CBLN2: variants seen among roughly 807,000 people sequenced by gnomAD.
CBLN2 encodes cerebellin-2.
In CBLN2, 7 loss-of-function variants were observed where a neutral mutation model predicts 15.0. The observed-to-expected ratio is 0.47, with a 90% CI of 0.27 to 0.88. The LOEUF (loss-of-function observed/expected upper bound fraction) is 0.88, where lower values mean the gene tolerates loss of function less well. CBLN2 is among the 40% of genes least tolerant of loss of function. CBLN2 has a pLI of 0.14. For synonymous variants in CBLN2, 149 were observed against 135.2 expected (o/e 1.10, Z -0.71); for missense variants, 242 against 304.5 (o/e 0.79, Z 1.53).
intron 1 of CBLN2, among the ~76,000 whole-genome samples, chr18:72,553,673 C>G (rs1450192141): frequency 2.0e-5 from 3 of 152,106 alleles, no homozygotes; most frequent in East Asian, 1.9e-4. Flanking sequence ...GCTAACTCAT[C>G]ATTTGGTTGA....
At chr18:72,542,939 ACACAC>A (rs1446725431) in intron 2 of CBLN2, 2 of 157,152 alleles carry the variant, frequency 1.3e-5, no homozygotes, top group African/African-American at 4.8e-5. Context: ...ACACACACAC[ACACAC>A]ACACACACAC....
At chr18:72,599,913 G>A (rs935463473) in intron 1 of CBLN2, among the ~76,000 whole-genome samples, 1 of 152,202 alleles carries the variant, frequency 6.6e-6, no homozygotes, top group Non-Finnish European at 1.5e-5. Context: ...GTGATGGTCT[G>A]AGGGCCAAGA....
At chr18:72,626,811 G>C (rs1249409827) in intron 1 of CBLN2, among the ~76,000 whole-genome samples, 1 of 152,176 alleles carries the variant, frequency 6.6e-6, no homozygotes, top group Non-Finnish European at 1.5e-5. Flanking sequence ...ACTAGCTCAG[G>C]CAGAAAGTCT....
chr18:72,627,847 T>C (rs893977888), intron 1 of CBLN2, among the ~76,000 whole-genome samples: 1 of 152,250 alleles, frequency 6.6e-6, no homozygotes. Context: ...ATTTCTTATA[T>C]GTATAGCTTC....
At chr18:72,603,191 A>G (rs1444528094) in intron 1 of CBLN2, among the ~76,000 whole-genome samples, 1 of 152,226 alleles carries the variant, frequency 6.6e-6, no homozygotes, top group African/African-American at 2.4e-5. Flanking sequence ...TCTTCTAGTA[A>G]CATCTTTTAC....
intron 1 of CBLN2, among the ~76,000 whole-genome samples, chr18:72,632,760 T>C (rs2069785434): frequency 6.6e-6 from 1 of 152,226 alleles, no homozygotes; most frequent in African/African-American, 2.4e-5. Flanking sequence ...TCAGTCACAC[T>C]TGTGACCACT....
At position 72,543,640 on chromosome 18, in the gene CBLN2, C is replaced by G; in HGVS notation, c.-211-110G>C. 2 of 383,092 alleles carry G rather than the reference C, an allele frequency of 5.2e-6. No homozygotes were observed. Among genetic ancestry groups the G allele is most frequent in the Non-Finnish European group, 9.2e-6 (2 of 216,306 alleles). The allele number at this position is 383,092 out of a possible 1,614,324, so 23.7% of individuals were successfully genotyped here. A position where few individuals can be genotyped will look rare whatever the true frequency, so the allele number is the denominator to read the frequency against. ...GCGCCGCCCCGCCCTGCCGCTTTCC[C>G]GCGCCAGCCTGCGCCGCTTCAGGGG... On this transcript the variant is annotated intron_variant, in intron 1 of 4. Transcript: ENST00000269503. This position sits in a 1 kb window ranked among gnomAD's most constrained non-coding sequence, Gnocchi z 6.8.
rs752680171 is a variant in CBLN2 at position 72,542,112 on chromosome 18, C to T, written c.49G>A (p.Gly17Arg). ...GGCTCGCGCAGCGCCCCCCGGCGCC[C>T]GGGCATCATCAGCCGCAGCCCGAGT... is the stretch of plus-strand genomic sequence containing the variant. ...GPLGLRLMMP[G>R]RRGALREPGG... Residue 17 changes from glycine (G) to arginine (R), a missense_variant, in exon 3 of 5, where the codon GGG (glycine) becomes AGG (arginine). This residue lies in a region of CBLN2 where 96 missense variants were observed against 83.8 expected (regional missense o/e 1.15). Transcript: ENST00000269503. 157 of 1,440,768 alleles carry T rather than the reference C, an allele frequency of 1.1e-4. No individual in the cohort carries two copies. The African/African-American group carries it at 2.2e-3, about 21-fold the overall frequency. The allele number at this position is 1,440,768 out of a possible 1,614,324, so 89.2% of individuals were successfully genotyped here. A position where few individuals can be genotyped will look rare whatever the true frequency, so the allele number is the denominator to read the frequency against.
chr18:72,638,514 T>G, exon 1 of CBLN2: 1 of 394,910 alleles, frequency 2.5e-6, no homozygotes, highest in Non-Finnish European at 4.5e-6. Flanking sequence ...ACATTTATGC[T>G]TATGACTAAA....
intron 1 of CBLN2, among the ~76,000 whole-genome samples, chr18:72,572,735 A>C (rs1020545681): frequency 6.6e-6 from 1 of 152,144 alleles, no homozygotes; most frequent in Non-Finnish European, 1.5e-5. Context: ...TGATGACATA[A>C]ATCATAACAA....
intron 2 of CBLN2, among the ~76,000 whole-genome samples, 195 bp from the exon 3 acceptor site, chr18:72,542,521 C>G (rs1429258422): frequency 6.6e-6 from 1 of 151,628 alleles, no homozygotes. Context: ...CAGCGCATCC[C>G]TGAAGGCTCC....
chr18:72,575,257 G>A (rs924011281), intron 1 of CBLN2, among the ~76,000 whole-genome samples: 1 of 152,136 alleles, frequency 6.6e-6, no homozygotes, highest in African/African-American at 2.4e-5. Flanking sequence ...ATGGCTGTGA[G>A]TGAGTGAGGT....
rs72634444 is a variant in CBLN2, at chr18:72,569,941, T to C, written c.16-31169A>G. The stretch of plus-strand genomic sequence containing the variant: ...AGAGATGTATAGTTTAAATGGGAGA[T>C]TCACAGATCCACAGAAATGTCTTAG... On this transcript the variant is annotated intron_variant, in intron 1 of 2. Coordinates refer to the CBLN2 transcript ENST00000581073. Among the ~76,000 whole-genome samples the C allele has an allele frequency of 0.05, 7,636 of 152,218 alleles. 833 individuals are homozygous for C. The East Asian group carries it at 0.5, about 10-fold the overall frequency.
chr18:72,580,128 G>GA (rs1015495617), intron 1 of CBLN2, among the ~76,000 whole-genome samples: 2 of 151,528 alleles, frequency 1.3e-5, no homozygotes, highest in East Asian at 1.9e-4. Context: ...AAAATAGTAG[G>GA]AAAAAATGGC....
At chr18:72,583,357 G>A (rs2069419932) in intron 1 of CBLN2, among the ~76,000 whole-genome samples, 1 of 152,126 alleles carries the variant, frequency 6.6e-6, no homozygotes, top group Admixed American at 6.5e-5. Context: ...TGGTTTTCTA[G>A]AGCAGAGCCT....
chr18:72,542,153 G>A lies in CBLN2; in HGVS notation c.8C>T (p.Ala3Val). MQ[A>V]PGRGPLGLRL... The stretch of plus-strand genomic sequence containing the variant: ...CAGCCCGAGTGGCCCCCGGCCGGGC[G>A]CCTGCATCGGGACTGGTGGGAGGCG... Residue 3 changes from alanine to valine, a missense_variant, in exon 3 of 5, where the codon GCG (alanine) becomes GTG (valine). Physicochemically the swap from Ala to Val is moderately conservative, Grantham distance 64. Transcript: ENST00000269503. The A allele has an allele frequency of 2.3e-6, 3 of 1,308,712 alleles. No individual in the cohort carries two copies. The highest frequency in any genetic ancestry group is 2.9e-6 in the Non-Finnish European group (3 of 1,035,884). 81.1% of individuals were successfully genotyped at this position (1,308,712 alleles called of 1,614,324 possible).
At chr18:72,594,700 A>G (rs2069501805) in intron 1 of CBLN2, among the ~76,000 whole-genome samples, 1 of 151,906 alleles carries the variant, frequency 6.6e-6, no homozygotes, top group South Asian at 2.1e-4. Flanking sequence ...TATGGCTTTG[A>G]TCACATTACT....
intron 4 of CBLN2, 75 bp downstream of exon 4, chr18:72,538,578 A>T (rs2069086072): frequency 6.3e-7 from 1 of 1,584,318 alleles, no homozygotes; most frequent in Non-Finnish European, 8.6e-7. Context: ...AGCCTCAGAG[A>T]CCAGGTGAAG....
At chr18:72,538,971 G>T in intron 3 of CBLN2, 199 bp from the exon 4 acceptor site, 1 of 527,014 alleles carries the variant, frequency 1.9e-6, no homozygotes, top group Non-Finnish European at 3.3e-6. Context: ...TAATCTCAAA[G>T]GTATTTTAAT....
Sources: allele counts gnomAD v4.1 joint callset (sites outside exome capture counted in the v4.1 genomes callset), GRCh38; gene constraint gnomAD v4.1.1; regional missense constraint gnomAD v4.1.1; non-coding constraint Gnocchi (gnomAD v3.1); transcripts MANE v1.5; gene names NCBI Gene and HGNC (gene_info 2026-07-23, HGNC 2026-07-21).